GFRA2: variants seen among roughly 807,000 people sequenced by gnomAD.
The protein encoded by GFRA2 is GDNF family receptor alpha-2.
A neutral mutation model predicts 48.3 loss-of-function variants in GFRA2; 17 were observed. The ratio of observed to expected loss-of-function variants is 0.35; its 90% CI spans 0.24 to 0.53. The LOEUF is 0.53. Among genes scored for constraint, GFRA2 ranks in the 20% least tolerant of loss-of-function variants. GFRA2 has a pLI of 0.93. For synonymous variants in GFRA2, 305 were observed against 257.2 expected (o/e 1.19, Z -1.78); for missense variants, 660 against 637.3 (o/e 1.04, Z -0.38).
At chr8:21,778,770 C>T (rs1005970311) in intron 2 of GFRA2, among the ~76,000 whole-genome samples, 76 of 152,238 alleles carry the variant, frequency 5.0e-4, no homozygotes, top group African/African-American at 1.7e-3. Flanking sequence ...GCCTGTAGTC[C>T]TAGCTTCTCG....
At chr8:21,806,485 G>C (rs1023912226) in intron 1 of GFRA2, among the ~76,000 whole-genome samples, 1 of 152,160 alleles carries the variant, frequency 6.6e-6, no homozygotes, top group African/African-American at 2.4e-5. Flanking sequence ...ATTTTTTTGA[G>C]ATAGTGTCTT....
Position 21,759,888 on chromosome 8 carries a change from CAAAA to C in GFRA2, c.440-8950_440-8947del, listed in dbSNP as rs35385607. On this transcript the variant is annotated intron_variant, in intron 3 of 8. Coordinates refer to ENST00000524240, the MANE Select transcript of GFRA2 (RefSeq NM_001495.5). ...TGGGCAACAGAGCAAGATTGCGTCT[CAAAA>C]AAAAAAAAAAAAAAGAATGACCAGC... Among the ~76,000 whole-genome samples the C allele has an allele frequency of 7.1e-3, 745 of 105,116 alleles. 43 individuals are homozygous for C. In the East Asian group the frequency reaches 0.17, roughly 25 times the overall value. 69.0% of individuals were successfully genotyped at this position (105,116 alleles called of 152,430 possible).
chr8:21,735,470 C>T (rs1382069974), intron 4 of GFRA2, among the ~76,000 whole-genome samples: 1 of 152,040 alleles, frequency 6.6e-6, no homozygotes, highest in Non-Finnish European at 1.5e-5. Context: ...GGAGATGAGG[C>T]AGAGTGCTTG....
chr8:21,747,691 G>A (rs1805073812), intron 4 of GFRA2, among the ~76,000 whole-genome samples: 2 of 151,214 alleles, frequency 1.3e-5, no homozygotes, highest in South Asian at 4.2e-4. Flanking sequence ...GAAGAAGGTG[G>A]TTTGTACCCA....
intron 4 of GFRA2, among the ~76,000 whole-genome samples, chr8:21,748,416 G>A (rs1805115723): frequency 7.0e-6 from 1 of 143,882 alleles, no homozygotes; most frequent in African/African-American, 2.8e-5. Flanking sequence ...AGGGTGTGGA[G>A]TAAACAAAAC....
At chr8:21,775,085 G>C (rs78230526) in intron 2 of GFRA2, 30 bp from the exon 3 acceptor site, 49,824 of 1,149,962 alleles carry the variant, frequency 0.043, 2,521 homozygotes, top group African/African-American at 0.19. Flanking sequence ...TCAGATGCGG[G>C]CTCCTCCGGG....
intron 3 of GFRA2, among the ~76,000 whole-genome samples, chr8:21,751,501 C>T (rs772501068): frequency 3.3e-5 from 5 of 152,062 alleles, no homozygotes; most frequent in Non-Finnish European, 7.3e-5. Flanking sequence ...AACTGAAGCA[C>T]TGTGTGGGCA....
chr8:21,768,057 GC>G (rs1046168908), intron 3 of GFRA2, among the ~76,000 whole-genome samples: 1 of 152,160 alleles, frequency 6.6e-6, no homozygotes, highest in Non-Finnish European at 1.5e-5. Flanking sequence ...CCTCCTGGCG[GC>G]CCCAAGCGCC....
chr8:21,772,265 T>C (rs1806472627), intron 3 of GFRA2, among the ~76,000 whole-genome samples: 1 of 152,216 alleles, frequency 6.6e-6, no homozygotes, highest in Non-Finnish European at 1.5e-5. Flanking sequence ...TTCTTTCTGC[T>C]GAGCTCCTCA....
chr8:21,737,954 G>A (rs1181804746), intron 4 of GFRA2, among the ~76,000 whole-genome samples: 1 of 152,106 alleles, frequency 6.6e-6, no homozygotes, highest in African/African-American at 2.4e-5. Flanking sequence ...CCGGATGCTC[G>A]CTGCTTTTCA....
intron 4 of GFRA2, among the ~76,000 whole-genome samples, chr8:21,731,987 T>A (rs1161389839): frequency 6.6e-6 from 1 of 152,232 alleles, no homozygotes; most frequent in African/African-American, 2.4e-5. Flanking sequence ...TCTTCCACTA[T>A]CTCTGTTTAA....
chr8:21,714,313 A>T (rs917549496), intron 4 of GFRA2, among the ~76,000 whole-genome samples: 4 of 129,596 alleles, frequency 3.1e-5, no homozygotes, highest in Non-Finnish European at 4.6e-5. Context: ...CAGTGGCACA[A>T]TCTTGGCTCA....
chr8:21,745,970 G>A (rs1804983904), intron 4 of GFRA2, among the ~76,000 whole-genome samples: 1 of 152,220 alleles, frequency 6.6e-6, no homozygotes, highest in African/African-American at 2.4e-5. Context: ...GAGGGCAGGA[G>A]CAGAGGGAGA....
intron 4 of GFRA2, among the ~76,000 whole-genome samples, chr8:21,742,144 G>C (rs1388587092): frequency 6.6e-6 from 1 of 152,154 alleles, no homozygotes; most frequent in African/African-American, 2.4e-5. Context: ...GGGAAGTCTA[G>C]ATGTTATGAA....
At chr8:21,755,055 T>A (rs1585301360) in intron 3 of GFRA2, among the ~76,000 whole-genome samples, 1 of 151,304 alleles carries the variant, frequency 6.6e-6, no homozygotes, top group Non-Finnish European at 1.5e-5. Context: ...CTGCCAGGAG[T>A]CAGTGGGGAG....
intron 4 of GFRA2, among the ~76,000 whole-genome samples, chr8:21,712,511 T>G (rs1173043566): frequency 6.8e-6 from 1 of 146,560 alleles, no homozygotes; most frequent in Non-Finnish European, 1.5e-5. Flanking sequence ...GAGACGCTCC[T>G]CACTTTCCAG....
upstream of GFRA2, chr8:21,790,197 G>C (rs907558719): frequency 4.4e-6 from 3 of 682,110 alleles, no homozygotes; most frequent in Non-Finnish European, 5.4e-6. Flanking sequence ...GAGAGGCGCG[G>C]GGTCGCGGTC....
chr8:21,703,488 C>G (rs1053214444), intron 6 of GFRA2, among the ~76,000 whole-genome samples: 1 of 152,150 alleles, frequency 6.6e-6, no homozygotes, highest in Non-Finnish European at 1.5e-5. Flanking sequence ...GGCCTCTGCT[C>G]CTCCCACACC....
intron 4 of GFRA2, among the ~76,000 whole-genome samples, chr8:21,718,615 A>G (rs1803447152): frequency 6.6e-6 from 1 of 152,182 alleles, no homozygotes; most frequent in South Asian, 2.1e-4. Flanking sequence ...GGCAGGAGCT[A>G]TGTCCCTTCA....
Sources: gnomAD v4.1 joint callset for allele counts (sites outside exome capture counted in the v4.1 genomes callset) on GRCh38, gnomAD v4.1.1 for gene constraint, MANE v1.5 for transcripts, NCBI Gene and HGNC (gene_info 2026-07-23, HGNC 2026-07-21) for gene names.